The following RNF31 variants were observed in gnomAD, a reference collection of about 807,000 sequenced individuals.
RNF31 encodes ring finger protein 31.
In RNF31, 38 loss-of-function variants were observed where a neutral mutation model predicts 133.6. The observed-to-expected ratio is 0.28, with a 90% CI of 0.22 to 0.37. RNF31 has a LOEUF of 0.37. RNF31 is among the 10% of genes least tolerant of loss of function. The probability of loss-of-function intolerance (pLI) is 1.00; values close to 1 mark genes in which losing one functional copy is unlikely to be tolerated. For synonymous variants in RNF31, 582 were observed against 552.3 expected (o/e 1.05, Z -0.75); for missense variants, 1,118 against 1,394.1 (o/e 0.80, Z 3.15).
chr14:24,158,514 G>T, intron 18 of RNF31: 1 of 418,754 alleles, frequency 2.4e-6, no homozygotes, highest in Non-Finnish European at 4.3e-6. Context: ...GCTAGTTGCA[G>T]GGCACTGTTT....
Position 24,155,098 on chromosome 14 carries a change from T to G in RNF31, c.2131-59T>G. 6.4e-7 allele frequency: 1 copy of G among 1,553,548 alleles called. No homozygotes were observed. The highest frequency in any genetic ancestry group is 8.8e-7 in the Non-Finnish European group (1 of 1,132,966). ...TTAGTGGACACCTGGCCACTGCCTC[T>G]TCCCTAGCCTGGCAGCTGTGGCTTC... On this transcript the variant is annotated intron_variant, in intron 11 of 20. Transcript: ENST00000324103. This position sits in a 1 kb window ranked among gnomAD's most constrained non-coding sequence, Gnocchi z 4.9.
rs763491091 is a variant in RNF31 at position 24,149,538 on chromosome 14, G to A, written c.764G>A (p.Arg255His). The A allele has an allele frequency of 4.6e-5, 74 of 1,613,976 alleles. No homozygotes were observed. Among genetic ancestry groups the A allele is most frequent in the Non-Finnish European group, 6.2e-5 (73 of 1,179,992 alleles). Residue 255 changes from arginine to histidine, a missense_variant, in exon 6 of 21, where the codon CGC becomes CAC. Physicochemically the swap from Arg to His is conservative, Grantham distance 29. Coordinates refer to ENST00000324103, the MANE Select transcript of RNF31 (RefSeq NM_017999.5). ...CACCCATCCCGTGCTCATCACCTCC[G>A]CCAGACCCTGCCTGGGGTCCTGCAG... ...HGHPSRAHHL[R>H]QTLPGVLQGT...
chr14:24,155,093 G>A lies in RNF31; in HGVS notation c.2131-64G>A. The A allele has an allele frequency of 6.5e-7, 1 of 1,531,666 alleles. No homozygotes were observed. The highest frequency in any genetic ancestry group is 9.0e-7 in the Non-Finnish European group (1 of 1,115,608). 94.9% of individuals were successfully genotyped at this position (1,531,666 alleles called of 1,614,324 possible). On this transcript the variant is annotated intron_variant, in intron 11 of 20. Coordinates refer to ENST00000324103, the MANE Select transcript of RNF31 (RefSeq NM_017999.5). The surrounding 1 kb of genome is among the most constrained non-coding windows in gnomAD (Gnocchi z 4.9). ...ATTTCTTAGTGGACACCTGGCCACT[G>A]CCTCTTCCCTAGCCTGGCAGCTGTG...
At chr14:24,156,816 A>T (rs1238248580) in intron 14 of RNF31, among the ~76,000 whole-genome samples, 1 of 152,134 alleles carries the variant, frequency 6.6e-6, no homozygotes, top group Non-Finnish European at 1.5e-5. Context: ...GATACGAAAA[A>T]AATTTCATCT....
At chr14:24,148,933 G>T in intron 5 of RNF31, 57 bp downstream of exon 5, 1 of 1,388,344 alleles carries the variant, frequency 7.2e-7, no homozygotes, top group Non-Finnish European at 1.0e-6. Flanking sequence ...GGAAATTTGG[G>T]ATGCTCCTCT....
intron 11 of RNF31, among the ~76,000 whole-genome samples, chr14:24,152,196 A>G (rs1360161318): frequency 2.0e-5 from 3 of 152,094 alleles, no homozygotes; most frequent in Non-Finnish European, 4.4e-5. Context: ...TCAAACATGC[A>G]ATAGTAGAAA....
rs1036664265 is a variant in RNF31 at position 24,160,340 on chromosome 14, A to G, written c.3098A>G (p.Tyr1033Cys). The change falls in exon 20 of 21, where the codon TAC becomes TGC. Residue 1033 changes from tyrosine to cysteine, a missense_variant. By Grantham distance (194) the Tyr-to-Cys change is radical. This residue lies in a region of RNF31 where 170 missense variants were observed against 194.5 expected (regional missense o/e 0.87). Coordinates refer to ENST00000324103, the MANE Select transcript of RNF31 (RefSeq NM_017999.5). This position sits in a 1 kb window ranked among gnomAD's most constrained non-coding sequence, Gnocchi z 4.0. ...GAGCTGGAGACGGCCACTGAGCGCTACCTGCACGTACGCCCCCAGCCTTTG... is the reference window on the plus strand; with the variant it reads ...GAGCTGGAGACGGCCACTGAGCGCTGCCTGCACGTACGCCCCCAGCCTTTG... ...VEELETATERYLHVRPQPLAG... is the reference protein window; with the variant it reads ...VEELETATERCLHVRPQPLAG... 1 of 1,614,170 alleles carries G rather than the reference A, an allele frequency of 6.2e-7. No homozygotes were observed. The highest frequency in any genetic ancestry group is 8.5e-7 in the Non-Finnish European group (1 of 1,180,006).
chr14:24,148,223 C>T, intron 2 of RNF31, 35 bp from the exon 3 acceptor site: 1 of 1,613,532 alleles, frequency 6.2e-7, no homozygotes, highest in Non-Finnish European at 8.5e-7. Context: ...AGGCAGGAAA[C>T]CTCCTGGGTG....
chr14:24,149,169 G>T, intron 5 of RNF31: 1 of 596,718 alleles, frequency 1.7e-6, no homozygotes, highest in Non-Finnish European at 2.9e-6. Flanking sequence ...CTCCATGTTG[G>T]TCAGGCTGGT....
At position 24,154,681 on chromosome 14, in the gene RNF31, G is replaced by A. The variant is rs375650503; in HGVS notation, c.2131-476G>A. Reference sequence around the variant, plus strand: ...TACAGGTCTTGTTCATTTTTCTCATGGATATGCCGCTGTGTGTATGTGTGG... The same window carrying A: ...TACAGGTCTTGTTCATTTTTCTCATAGATATGCCGCTGTGTGTATGTGTGG... On this transcript the variant is annotated intron_variant, in intron 11 of 20. Transcript: ENST00000324103. Among the ~76,000 whole-genome samples the A allele has an allele frequency of 3.1e-4, 47 of 152,264 alleles. 1 individual carries two copies. In the South Asian group the frequency reaches 5.2e-3, roughly 17 times the overall value.
intron 11 of RNF31, among the ~76,000 whole-genome samples, chr14:24,154,044 G>A (rs1228158331): frequency 2.0e-5 from 3 of 152,128 alleles, no homozygotes; most frequent in African/African-American, 7.2e-5. Context: ...CGCCCTGGCT[G>A]GAGCGCAGTC....
intron 5 of RNF31, 68 bp from the exon 6 acceptor site, chr14:24,149,338 C>G: frequency 6.8e-7 from 1 of 1,473,396 alleles, no homozygotes; most frequent in East Asian, 2.3e-5. Context: ...GATTTGCCCC[C>G]ATCCACAGCA....
rs866733002 is a variant in RNF31 at position 24,158,480 on chromosome 14, T to C, written c.2899+281T>C. 4 of 503,036 alleles carry C rather than the reference T, an allele frequency of 8.0e-6. No homozygotes were observed. In the Middle Eastern group the frequency reaches 2.1e-3, roughly 263 times the overall value. 31.2% of individuals were successfully genotyped at this position (503,036 alleles called of 1,614,324 possible). ...CAAATGATCATAATTAATTAATTAGTTCAATGAGTGTTTAATGAGAAGTGC... is the reference window on the plus strand; with the variant it reads ...CAAATGATCATAATTAATTAATTAGCTCAATGAGTGTTTAATGAGAAGTGC... On this transcript the variant is annotated intron_variant, in intron 18 of 20. Coordinates refer to ENST00000324103, the MANE Select transcript of RNF31 (RefSeq NM_017999.5).
rs752670935 is a variant in RNF31 at position 24,157,953 on chromosome 14, G to A, written c.2783G>A (p.Arg928Gln). 5 of 1,614,138 alleles carry A rather than the reference G, an allele frequency of 3.1e-6. No homozygotes were observed. The highest frequency in any genetic ancestry group is 3.4e-6 in the Non-Finnish European group (4 of 1,180,040). ...AAGTCCCTGCACGGCCACCACCCTC[G>A]AGACTGCCTCTTCTACCTGCGGGAC... ...VKKSLHGHHP[R>Q]DCLFYLRDWT... is the part of the protein sequence containing the mutation. The change falls in exon 17 of 21, where the codon CGA becomes CAA. Residue 928 changes from arginine to glutamine, a missense_variant. By Grantham distance (43) the Arg-to-Gln change is conservative (BLOSUM62 1). This residue lies in a region of RNF31 where 170 missense variants were observed against 194.5 expected (regional missense o/e 0.87). Transcript: ENST00000324103.
At chr14:24,147,158 G>A, upstream of RNF31, 1 of 162,796 alleles carries the variant, frequency 6.1e-6, no homozygotes, top group Non-Finnish European at 1.3e-5. Context: ...GGGCCGGCCA[G>A]AGTCGGTTCC....
At position 24,148,024 on chromosome 14, in the gene RNF31, A is replaced by G; in HGVS notation, c.241A>G (p.Lys81Glu). The G allele has an allele frequency of 6.2e-7, 1 of 1,614,208 alleles. No individual in the cohort carries two copies. The highest frequency in any genetic ancestry group is 8.5e-7 in the Non-Finnish European group (1 of 1,180,030). Residue 81 changes from lysine to glutamate, a missense_variant, in exon 2 of 21, where the codon AAA (lysine) becomes GAA (glutamate). Transcript: ENST00000324103. ...TLSTALNILE[K>E]YGRNLLSPQR... is the part of the protein sequence containing the mutation. ...GTCCACGGCTCTGAACATCCTGGAG[A>G]AATACGGCCGCAACCTTCTCAGCCC...
chr14:24,149,270 T>G (rs773937995), intron 5 of RNF31, 136 bp from the exon 6 acceptor site: 12 of 974,370 alleles, frequency 1.2e-5, no homozygotes, highest in Non-Finnish European at 1.8e-5. Flanking sequence ...GCCTCTTTGT[T>G]TTTTAAAAGA....
chr14:24,149,744 G>A (rs1002724130), intron 6 of RNF31, among the ~76,000 whole-genome samples, 161 bp downstream of exon 6: 1 of 152,224 alleles, frequency 6.6e-6, no homozygotes, highest in African/African-American at 2.4e-5. Flanking sequence ...CAAGCAGGTA[G>A]CAATTGCAGT....
Position 24,158,024 on chromosome 14 carries a change from C to T in RNF31, c.2841+13C>T. ...GAAGCTGCTACAGGTCAGAGGTGGC[C>T]AGGAGAGAAGAAGACAGGGCCCAGG... On this transcript the variant is annotated intron_variant, in intron 17 of 20. Coordinates refer to ENST00000324103, the MANE Select transcript of RNF31 (RefSeq NM_017999.5). The T allele has an allele frequency of 6.2e-7, 1 of 1,613,350 alleles. No homozygotes were observed.
Sources: gnomAD v4.1 joint callset for allele counts (sites outside exome capture counted in the v4.1 genomes callset) on GRCh38, gnomAD v4.1.1 for gene constraint, gnomAD v4.1.1 regional missense constraint, Gnocchi (gnomAD v3.1) non-coding constraint, MANE v1.5 for transcripts, NCBI Gene and HGNC (gene_info 2026-07-23, HGNC 2026-07-21) for gene names.